Variants in MYH10 observed in about 807,000 individuals in gnomAD.
The protein encoded by MYH10 is myosin-10.
In MYH10, 55 loss-of-function variants were observed where a neutral mutation model predicts 257.8. The observed-to-expected ratio is 0.21, with a 90% CI of 0.17 to 0.27. MYH10 has a LOEUF of 0.27. Among genes scored for constraint, MYH10 ranks in the 10% least tolerant of loss-of-function variants. The pLI, the probability that MYH10 is intolerant of heterozygous loss-of-function variation, is 1.00. For synonymous variants in MYH10, 854 were observed against 921.7 expected, an observed-to-expected ratio of 0.93 and a Z score of 1.33; for missense variants, 1,631 against 2,500.6, an observed-to-expected ratio of 0.65 and a Z score of 7.42.
intron 42 of MYH10, among the ~76,000 whole-genome samples, chr17:8,476,405 G>A (rs1010218285): frequency 1.3e-5 from 2 of 152,240 alleles, no homozygotes. Context: ...TTGGCCAGAT[G>A]TGCTGAAACC....
intron 21 of MYH10, among the ~76,000 whole-genome samples, chr17:8,517,018 G>A (rs1331704266): frequency 6.6e-6 from 1 of 152,042 alleles, no homozygotes; most frequent in African/African-American, 2.4e-5. Flanking sequence ...GCGGGCGCCT[G>A]TAGTCCCAGC....
rs1225143054 is a variant in MYH10, at chr17:8,589,124, A to G, written c.503-16T>C. ...TCCTCACGATCTATAAAACAGAACA[A>G]AACAAACAAAAAAAAGAAAGTGACC... On this transcript the variant is annotated splice_polypyrimidine_tract_variant and intron_variant, in intron 3 of 42. Transcript: ENST00000360416. 1 of 1,610,708 alleles carries G rather than the reference A, an allele frequency of 6.2e-7. No homozygotes were observed. The highest frequency in any genetic ancestry group is 8.5e-7 in the Non-Finnish European group (1 of 1,178,630).
At chr17:8,483,768 CTG>C (rs1469848360) in intron 37 of MYH10, among the ~76,000 whole-genome samples, 1 of 152,208 alleles carries the variant, frequency 6.6e-6, no homozygotes, top group East Asian at 1.9e-4. Flanking sequence ...AGTAGTGCTT[CTG>C]TGTAAAAACA....
intron 36 of MYH10, among the ~76,000 whole-genome samples, chr17:8,485,263 T>C (rs1460152063): frequency 6.6e-6 from 1 of 151,848 alleles, no homozygotes; most frequent in Non-Finnish European, 1.5e-5. Flanking sequence ...GAATATAAAC[T>C]TAGGTATAAA....
chr17:8,582,097 T>C (rs2083727548), intron 4 of MYH10, among the ~76,000 whole-genome samples: 1 of 152,002 alleles, frequency 6.6e-6, no homozygotes, highest in Non-Finnish European at 1.5e-5. Flanking sequence ...ATGATGAAGA[T>C]GGTAATGGAA....
Position 8,542,334 on chromosome 17 carries a change from GAAT to G in MYH10, c.1432-57_1432-55del. On this transcript the variant is annotated intron_variant, in intron 13 of 42. Transcript: ENST00000360416. The stretch of plus-strand genomic sequence containing the variant: ...ACATGGGGAGGTGGAGGGAAAATGG[GAAT>G]AATTAGTTATGTAGTTATAAAAAAA... The G allele has an allele frequency of 2.0e-6, 3 of 1,526,590 alleles. No individual in the cohort carries two copies. The South Asian group carries it at 3.5e-5, about 18-fold the overall frequency. The allele number at this position is 1,526,590 out of a possible 1,614,324, so 94.6% of individuals were successfully genotyped here.
chr17:8,541,907 G>A (rs2082301184), intron 14 of MYH10, 200 bp downstream of exon 14: 4 of 499,164 alleles, frequency 8.0e-6, no homozygotes, highest in Non-Finnish European at 1.4e-5. Flanking sequence ...TGCGAGGAGA[G>A]CTAAAGAAGG....
chr17:8,611,590 C>CA (rs1007842555), intron 2 of MYH10, among the ~76,000 whole-genome samples: 2 of 151,802 alleles, frequency 1.3e-5, no homozygotes, highest in South Asian at 2.1e-4. Context: ...CAAAACAAAA[C>CA]AAAAAAAGAA....
chr17:8,492,253 G>T (rs749479742), intron 34 of MYH10, 44 bp downstream of exon 34: 2 of 1,584,504 alleles, frequency 1.3e-6, no homozygotes, highest in African/African-American at 2.7e-5. Flanking sequence ...AGGCCCCTGG[G>T]ATACTCTCCC....
intron 2 of MYH10, among the ~76,000 whole-genome samples, chr17:8,607,835 T>C (rs971346102): frequency 1.3e-5 from 2 of 152,074 alleles, no homozygotes; most frequent in Admixed American, 6.5e-5. Context: ...AAGAGAAAGA[T>C]GAACTGGTAT....
chr17:8,615,596 C>T (rs2085229968), intron 2 of MYH10, among the ~76,000 whole-genome samples: 1 of 152,130 alleles, frequency 6.6e-6, no homozygotes, highest in South Asian at 2.1e-4. Flanking sequence ...TCTTTGTGTA[C>T]ATATAAAGAA....
At chr17:8,492,543 C>T (rs773852647) in intron 33 of MYH10, 34 bp from the exon 34 acceptor site, 19 of 1,574,078 alleles carry the variant, frequency 1.2e-5, no homozygotes, top group Admixed American at 7.1e-5. Flanking sequence ...TACGAAAAAC[C>T]GAAACAGTGA....
At chr17:8,555,402 T>A (rs946148012) in intron 7 of MYH10, among the ~76,000 whole-genome samples, 3 of 152,114 alleles carry the variant, frequency 2.0e-5, no homozygotes, top group Non-Finnish European at 2.9e-5. Flanking sequence ...AAGCTATAAA[T>A]TTACTAGGAC....
intron 16 of MYH10, among the ~76,000 whole-genome samples, chr17:8,530,978 T>C (rs2081989430): frequency 1.3e-5 from 2 of 152,198 alleles, no homozygotes; most frequent in African/African-American, 4.8e-5. Flanking sequence ...ATGACATTTA[T>C]GAGGAATAAG....
intron 17 of MYH10, among the ~76,000 whole-genome samples, chr17:8,524,668 TTC>T (rs2081780682): frequency 6.6e-6 from 1 of 152,046 alleles, no homozygotes; most frequent in Non-Finnish European, 1.5e-5. Context: ...GGGCTCCTGC[TTC>T]TGACCTGGAT....
chr17:8,610,054 C>A (rs2152085386), intron 2 of MYH10, among the ~76,000 whole-genome samples: 1 of 151,964 alleles, frequency 6.6e-6, no homozygotes, highest in East Asian at 1.9e-4. Context: ...CAATGCCCAT[C>A]ACTATTAAAA....
chr17:8,572,492 T>C (rs887267440), intron 6 of MYH10, among the ~76,000 whole-genome samples: 1 of 152,216 alleles, frequency 6.6e-6, no homozygotes, highest in Non-Finnish European at 1.5e-5. Context: ...ATGAAAATTA[T>C]GCACAAACCT....
intron 9 of MYH10, 81 bp downstream of exon 9, chr17:8,551,965 T>C: frequency 1.4e-6 from 1 of 730,776 alleles, no homozygotes; most frequent in East Asian, 3.0e-5. Flanking sequence ...AAAAACTGTT[T>C]CCCAAAATTG....
chr17:8,534,449 T>C (rs997212483), intron 16 of MYH10, among the ~76,000 whole-genome samples: 6 of 152,216 alleles, frequency 3.9e-5, no homozygotes, highest in Non-Finnish European at 8.8e-5. Context: ...TGATCTTTTA[T>C]AGGGTCACAT....
Sources: gnomAD v4.1 joint callset for allele counts (sites outside exome capture counted in the v4.1 genomes callset) on GRCh38, gnomAD v4.1.1 for gene constraint, MANE v1.5 for transcripts, NCBI Gene and HGNC (gene_info 2026-07-23, HGNC 2026-07-21) for gene names.